Variants in POLN observed in about 807,000 individuals in gnomAD.
POLN encodes DNA polymerase N.
POLN carries 108 observed loss-of-function variants against 113.5 expected under a neutral mutation model. The observed-to-expected ratio is 0.95, with a 90% CI of 0.81 to 1.12. The LOEUF is 1.12. Among genes scored for constraint, POLN ranks in the 50% most tolerant of loss-of-function variants. The pLI, the probability that POLN is intolerant of heterozygous loss-of-function variation, is 0.00. For missense variants in POLN, 1,097 were observed against 1,077.1 expected, an observed-to-expected ratio of 1.02 and a Z score of -0.26; for synonymous variants, 386 against 391.5, an observed-to-expected ratio of 0.99 and a Z score of 0.17.
chr4:2,133,555 A>T (rs1335886420), intron 16 of POLN, among the ~76,000 whole-genome samples: 2 of 152,246 alleles, frequency 1.3e-5, no homozygotes, highest in Non-Finnish European at 2.9e-5. Flanking sequence ...TAAGTGAAGT[A>T]AACCAGGTAT....
intron 23 of POLN, chr4:2,080,083 G>A (rs951599013): frequency 3.9e-5 from 38 of 985,434 alleles, no homozygotes; most frequent in Middle Eastern, 5.2e-4. Flanking sequence ...GTCAGAGGGC[G>A]AGGGGCCCTT....
At chr4:2,075,631 G>T in intron 23 of POLN, 112 bp from the exon 24 acceptor site, 4 of 1,113,362 alleles carry the variant, frequency 3.6e-6, no homozygotes, top group South Asian at 1.3e-5. Flanking sequence ...TGAGGCGGGG[G>T]CTCAGGGGTG....
At chr4:2,212,929 T>C (rs967103311) in intron 4 of POLN, 118 bp downstream of exon 4, 3 of 218,148 alleles carry the variant, frequency 1.4e-5, no homozygotes, top group Non-Finnish European at 1.7e-5. Flanking sequence ...AGAACGCCTC[T>C]TTTTTTTTTT....
chr4:2,135,970 A>C (rs553144246), intron 16 of POLN, among the ~76,000 whole-genome samples: 1 of 152,332 alleles, frequency 6.6e-6, no homozygotes, highest in South Asian at 2.1e-4. Flanking sequence ...CCAGGCCGAG[A>C]GCAAATGGTG....
chr4:2,106,840 A>T (rs909333630), intron 19 of POLN, among the ~76,000 whole-genome samples: 23 of 152,058 alleles, frequency 1.5e-4, no homozygotes, highest in African/African-American at 3.9e-4. Flanking sequence ...GGTCTTTTTT[A>T]GTGCTCCTCT....
At chr4:2,239,893 C>A in intron 2 of POLN, 1 of 653,456 alleles carries the variant, frequency 1.5e-6, no homozygotes, top group Non-Finnish European at 2.6e-6. Context: ...AACATTGACA[C>A]AGATCACAAA....
intron 19 of POLN, among the ~76,000 whole-genome samples, chr4:2,101,990 G>A (rs183884033): frequency 1.3e-5 from 2 of 152,118 alleles, no homozygotes; most frequent in African/African-American, 4.8e-5. Flanking sequence ...GAGGATGCCT[G>A]GATTGGACTG....
chr4:2,099,077 T>C (rs748611222), intron 19 of POLN, among the ~76,000 whole-genome samples: 8 of 152,252 alleles, frequency 5.3e-5, no homozygotes, highest in Non-Finnish European at 1.2e-4. Flanking sequence ...TAAATATTCA[T>C]GAATCCATAC....
At chr4:2,078,961 G>C (rs1047848517) in intron 23 of POLN, 1 of 978,786 alleles carries the variant, frequency 1.0e-6, no homozygotes, top group African/African-American at 1.8e-5. Context: ...GCAGGTTCTT[G>C]CCCTGTTGCC....
rs755669567 is a variant in POLN, at chr4:2,193,313, G to C, written c.912C>G (p.Asn304Lys). 6.4e-6 allele frequency: 10 copies of C among 1,568,190 alleles called. No homozygotes were observed. The South Asian group carries it at 1.2e-4, about 18-fold the overall frequency. Residue 304 changes from asparagine to lysine, a missense_variant, in exon 7 of 26, where the codon AAC becomes AAG. Transcript: ENST00000511885. ...EQEAHQQFAR[N>K]VLFQTMKCKC... ...TACATTTCATTGTTTGAAATAGCAC[G>C]TTCCTAGAAGATGAAAAGAAATTCA...
intron 16 of POLN, among the ~76,000 whole-genome samples, chr4:2,148,624 A>G (rs1732208932): frequency 6.6e-6 from 1 of 151,794 alleles, no homozygotes; most frequent in Non-Finnish European, 1.5e-5. Flanking sequence ...CCGAGATTGC[A>G]CCACGGCACT....
In POLN at chr4:2,119,425, A is replaced by ATG. The variant is rs780057146; in HGVS notation, c.1982+8687_1982+8688insCA. Among the ~76,000 whole-genome samples, 55 of 42,644 alleles carry ATG rather than the reference A, an allele frequency of 1.3e-3. 2 individuals carry two copies. The South Asian group carries it at 0.023, about 18-fold the overall frequency. The allele number at this position is 42,644 out of a possible 152,430, so 28.0% of individuals were successfully genotyped here. On this transcript the variant is annotated intron_variant, in intron 19 of 25. Coordinates refer to ENST00000511885, the MANE Select transcript of POLN (RefSeq NM_181808.4). ...TGTGTGTGTGTGCATGTGTGTGCAC[A>ATG]CGTGTGTGTGTGAAGCTGCTGGAGC... is the stretch of plus-strand genomic sequence containing the variant.
intron 16 of POLN, among the ~76,000 whole-genome samples, chr4:2,132,843 T>C (rs1731759455): frequency 6.6e-6 from 1 of 152,254 alleles, no homozygotes; most frequent in Non-Finnish European, 1.5e-5. Context: ...CAGGAAATTC[T>C]TCAGGCTGAA....
rs769595455 is a variant in POLN, at chr4:2,129,221, C to T, written c.1825G>A (p.Ala609Thr). The T allele has an allele frequency of 1.2e-6, 2 of 1,600,808 alleles. No individual in the cohort carries two copies. The highest frequency in any genetic ancestry group is 2.2e-5 in the South Asian group (2 of 90,784). Residue 609 changes from alanine to threonine, a missense_variant, in exon 18 of 26, where the codon GCC becomes ACC. Ala to Thr is a moderately conservative substitution (Grantham distance 58). Coordinates refer to ENST00000511885, the MANE Select transcript of POLN (RefSeq NM_181808.4). Reference sequence around the variant, plus strand: ...TGGCCTTTGGATGAAACAAACATGGCCCTCGGGGAGATCGTGAGAATCTTG... The same window carrying T: ...TGGCCTTTGGATGAAACAAACATGGTCCTCGGGGAGATCGTGAGAATCTTG... ...EDKILTISPR[A>T]MFVSSKGHTF...
intron 20 of POLN, among the ~76,000 whole-genome samples, chr4:2,095,229 G>T (rs1464573195): frequency 6.6e-6 from 1 of 151,846 alleles, no homozygotes; most frequent in Admixed American, 6.6e-5. Context: ...AACAGGAAGG[G>T]AAGCAAAAAG....
At chr4:2,238,508 T>C (rs1734846095) in intron 2 of POLN, 1 of 697,904 alleles carries the variant, frequency 1.4e-6, no homozygotes, top group Non-Finnish European at 2.2e-6. Flanking sequence ...ATGCAAAGAA[T>C]TGTTAAAAAC....
chr4:2,167,777 T>C (rs187396212), intron 13 of POLN, among the ~76,000 whole-genome samples: 5 of 152,168 alleles, frequency 3.3e-5, no homozygotes, highest in Non-Finnish European at 5.9e-5. Context: ...CAGGTGCATA[T>C]AGTCCCAGCT....
chr4:2,227,181 G>C (rs939034523), intron 3 of POLN, among the ~76,000 whole-genome samples: 2 of 152,212 alleles, frequency 1.3e-5, no homozygotes, highest in African/African-American at 4.8e-5. Context: ...TGCTGCTAGG[G>C]AAAGTGAGCT....
At chr4:2,178,266 A>G (rs1406291029) in intron 8 of POLN, among the ~76,000 whole-genome samples, 1 of 152,148 alleles carries the variant, frequency 6.6e-6, no homozygotes, top group Admixed American at 6.5e-5. Flanking sequence ...TTGGGCTCAC[A>G]TCACCTCTTA....
Sources: allele counts gnomAD v4.1 joint callset (sites outside exome capture counted in the v4.1 genomes callset), GRCh38; gene constraint gnomAD v4.1.1; transcripts MANE v1.5; gene names NCBI Gene and HGNC (gene_info 2026-07-23, HGNC 2026-07-21).